The following CDK5RAP1 variants were observed in gnomAD, a reference collection of about 807,000 sequenced individuals.
The protein encoded by CDK5RAP1 is CDK5RAP1 mitochondrial tRNA methylthiotransferase.
CDK5RAP1 carries 62 observed loss-of-function variants against 64.5 expected under a neutral mutation model. The observed-to-expected ratio is 0.96, with a 90% CI of 0.78 to 1.19. CDK5RAP1 has a LOEUF of 1.19. Ranked by LOEUF, CDK5RAP1 falls within the 50% of genes most tolerant of loss-of-function variation. The probability of loss-of-function intolerance (pLI) is 0.00; values close to 1 mark genes in which losing one functional copy is unlikely to be tolerated. For missense variants in CDK5RAP1, 657 were observed against 735.0 expected, an observed-to-expected ratio of 0.89 and a Z score of 1.23; for synonymous variants, 250 against 261.9, an observed-to-expected ratio of 0.95 and a Z score of 0.44.
intron 8 of CDK5RAP1, among the ~76,000 whole-genome samples, chr20:33,378,243 G>C (rs1266791503): frequency 6.6e-6 from 1 of 152,138 alleles, no homozygotes; most frequent in African/African-American, 2.4e-5. Flanking sequence ...CAATATTGTT[G>C]TGTCTCAGAG....
Position 33,358,942 on chromosome 20 carries a change from C to G in CDK5RAP1, c.*101G>C. On this transcript the variant is annotated 3_prime_UTR_variant, in exon 14 of 14. Coordinates refer to ENST00000346416, the MANE Select transcript of CDK5RAP1 (RefSeq NM_016408.4). ...CATAAAGTTGCTTCGCCCCTTGCAG[C>G]TTATCTCCACCTTCATGACCTGTTT... 2.4e-6 allele frequency: 2 copies of G among 843,312 alleles called. No homozygotes were observed. Among genetic ancestry groups the G allele is most frequent in the South Asian group, 3.1e-5 (2 of 65,090 alleles). 52.2% of individuals were successfully genotyped at this position (843,312 alleles called of 1,614,324 possible).
intron 12 of CDK5RAP1, among the ~76,000 whole-genome samples, chr20:33,364,992 A>C (rs1420428253): frequency 1.3e-5 from 2 of 151,800 alleles, no homozygotes; most frequent in African/African-American, 2.4e-5. Flanking sequence ...GGATTCAAGC[A>C]ATCTTCTCAC....
Position 33,401,452 on chromosome 20 carries a change from G to C in CDK5RAP1, c.-45C>G. On this transcript the variant is annotated 5_prime_UTR_variant, in exon 1 of 14. Transcript: ENST00000346416. ...CCTCCCGCAGCAGCAACAGTGCCCGGGGTCCCGCAGCGTAAGTTCTGCCGG... is the reference window on the plus strand; with the variant it reads ...CCTCCCGCAGCAGCAACAGTGCCCGCGGTCCCGCAGCGTAAGTTCTGCCGG... 1.0e-6 allele frequency: 1 copy of C among 985,470 alleles called. No homozygotes were observed. Among genetic ancestry groups the C allele is most frequent in the Non-Finnish European group, 1.2e-6 (1 of 829,944 alleles). The allele number at this position is 985,470 out of a possible 1,614,324, so 61.0% of individuals were successfully genotyped here.
intron 12 of CDK5RAP1, among the ~76,000 whole-genome samples, chr20:33,363,590 A>T (rs1047728953): frequency 6.6e-6 from 1 of 150,714 alleles, no homozygotes; most frequent in Non-Finnish European, 1.5e-5. Flanking sequence ...TTTTACAGTA[A>T]TTTTTTTTTT....
chr20:33,387,250 C>T (rs1987548267), intron 6 of CDK5RAP1, 73 bp downstream of exon 6: 1 of 1,146,496 alleles, frequency 8.7e-7, no homozygotes, highest in African/African-American at 1.6e-5. Flanking sequence ...GAGTGAGACC[C>T]TGTCTCAAAA....
chr20:33,379,508 T>C lies in CDK5RAP1; in HGVS notation c.1060A>G (p.Met354Val). 1 of 1,614,044 alleles carries C rather than the reference T, an allele frequency of 6.2e-7. No individual in the cohort carries two copies. Among genetic ancestry groups the C allele is most frequent in the Non-Finnish European group, 8.5e-7 (1 of 1,179,930 alleles). Residue 354 changes from methionine (M) to valine (V), a missense_variant, in exon 8 of 14, where the codon ATG (methionine) becomes GTG (valine). Met to Val is a conservative substitution (Grantham distance 21). Coordinates refer to ENST00000346416, the MANE Select transcript of CDK5RAP1 (RefSeq NM_016408.4). ...LDQVSRVDPE[M>V]RIRFTSPHPK... ...TGGGGAGAGGTAAAACGGATCCTCA[T>C]TTCAGGATCTACTCTGGAGACCTGA...
rs767263550 is a variant in CDK5RAP1 at position 33,384,205 on chromosome 20, AATT to A, written c.876+1442_876+1444del. Among the ~76,000 whole-genome samples, 5 of 152,342 alleles carry A rather than the reference AATT, an allele frequency of 3.3e-5. No individual in the cohort carries two copies. The East Asian group carries it at 7.7e-4, about 24-fold the overall frequency. On this transcript the variant is annotated intron_variant, in intron 7 of 13. Transcript: ENST00000346416. ...TCTTTAAAAATTACTAAACAAGCAA[AATT>A]ATTAAGTGACTAACAGATACTTTAA...
In CDK5RAP1 at chr20:33,401,436, G is replaced by C. The variant is rs1030845651; in HGVS notation, c.-29C>G. The C allele has an allele frequency of 1.0e-6, 1 of 985,386 alleles. No homozygotes were observed. The highest frequency in any genetic ancestry group is 1.2e-6 in the Non-Finnish European group (1 of 829,970). The allele number at this position is 985,386 out of a possible 1,614,324, so 61.0% of individuals were successfully genotyped here. A position where few individuals can be genotyped will look rare whatever the true frequency, so the allele number is the denominator to read the frequency against. ...GCGGCCGCGCTGCTCACCTCCCGCA[G>C]CAGCAACAGTGCCCGGGGTCCCGCA... On this transcript the variant is annotated 5_prime_UTR_variant, in exon 1 of 14. Transcript: ENST00000346416.
chr20:33,379,469 G>A lies in CDK5RAP1; in HGVS notation c.1099C>T (p.Pro367Ser), dbSNP rs1476324047. Residue 367 changes from proline to serine, a missense_variant, in exon 8 of 14, where the codon CCT (proline) becomes TCT (serine). Physicochemically the swap from Pro to Ser is moderately conservative, Grantham distance 74. Transcript: ENST00000346416. ...GCTAACCTGACGCTCACCTCATCAG[G>A]AAAATCCTTGGGGTGGGGAGAGGTA... ...RFTSPHPKDF[P>S]DEVLQLIHER... is the part of the protein sequence containing the mutation. The A allele has an allele frequency of 6.2e-7, 1 of 1,610,650 alleles. No homozygotes were observed. Among genetic ancestry groups the A allele is most frequent in the Admixed American group, 1.7e-5 (1 of 60,006 alleles).
intron 9 of CDK5RAP1, 102 bp downstream of exon 9, chr20:33,374,013 T>C (rs1408701129): frequency 3.8e-6 from 3 of 792,662 alleles, no homozygotes; most frequent in Non-Finnish European, 6.6e-6. Flanking sequence ...AGCAGCTACT[T>C]TGTGCCACAC....
chr20:33,359,409 T>G (rs1982490283), intron 13 of CDK5RAP1: 3 of 348,344 alleles, frequency 8.6e-6, no homozygotes, highest in Non-Finnish European at 1.6e-5. Context: ...CAGGTGAAAC[T>G]GCCCATCACA....
At chr20:33,360,174 G>C (rs1226964538) in intron 13 of CDK5RAP1, 177 bp downstream of exon 13, 2 of 610,154 alleles carry the variant, frequency 3.3e-6, no homozygotes, top group Non-Finnish European at 5.8e-6. Flanking sequence ...AGAAGAATAA[G>C]AAGGCATTAG....
At position 33,401,499 on chromosome 20, in the gene CDK5RAP1, T is replaced by C; in HGVS notation, c.-92A>G. 4 of 985,302 alleles carry C rather than the reference T, an allele frequency of 4.1e-6. No homozygotes were observed. In the South Asian group the frequency reaches 1.9e-4, roughly 46 times the overall value. The allele number at this position is 985,302 out of a possible 1,614,324, so 61.0% of individuals were successfully genotyped here. A position where few individuals can be genotyped will look rare whatever the true frequency, so the allele number is the denominator to read the frequency against. On this transcript the variant is annotated 5_prime_UTR_variant, in exon 1 of 14. Coordinates refer to ENST00000346416, the MANE Select transcript of CDK5RAP1 (RefSeq NM_016408.4). ...CCGGCAAGTCGGATCCCCTCACAGG[T>C]CCGCCGCTGCGTTCATACACAAGCG...
chr20:33,396,793 A>G lies in CDK5RAP1; in HGVS notation c.272T>C (p.Met91Thr), dbSNP rs35633148. The G allele has an allele frequency of 3.4e-3, 5,452 of 1,613,974 alleles. 144 individuals carry two copies. The African/African-American group carries it at 0.063, about 19-fold the overall frequency. The change falls in exon 2 of 14, where the codon ATG becomes ACG. Residue 91 changes from methionine (M) to threonine (T), a missense_variant. Coordinates refer to ENST00000346416, the MANE Select transcript of CDK5RAP1 (RefSeq NM_016408.4). ...CTGCCTTCCAAGAAGTTCATCCATC[A>G]TGAGATAGGGAGGTGGGTCTTCCAC... ...SEVEDPPPYLMMDELLGRQRK... is the reference protein window; with the variant it reads ...SEVEDPPPYLTMDELLGRQRK...
At chr20:33,395,221 G>T in intron 2 of CDK5RAP1, 105 bp from the exon 3 acceptor site, 2 of 697,986 alleles carry the variant, frequency 2.9e-6, no homozygotes, top group Admixed American at 2.1e-5. Flanking sequence ...GAGGCATCTG[G>T]TTATCCACTA....
At chr20:33,379,733 T>G (rs777094857) in intron 7 of CDK5RAP1, 42 bp from the exon 8 acceptor site, 2 of 1,423,688 alleles carry the variant, frequency 1.4e-6, no homozygotes, top group Non-Finnish European at 2.0e-6. Flanking sequence ...AACTTTTGGG[T>G]AGCTTCATAA....
intron 5 of CDK5RAP1, among the ~76,000 whole-genome samples, 157 bp from the exon 6 acceptor site, chr20:33,387,690 CA>C (rs1395097648): frequency 6.6e-6 from 1 of 152,142 alleles, no homozygotes; most frequent in East Asian, 1.9e-4. Flanking sequence ...CCAACACTCC[CA>C]TCGCACTGGA....
chr20:33,360,254 A>T, intron 13 of CDK5RAP1, 97 bp downstream of exon 13: 1 of 1,217,480 alleles, frequency 8.2e-7, no homozygotes, highest in Non-Finnish European at 1.2e-6. Context: ...TTTTTATTTT[A>T]CTAAAATGTG....
rs148856565 is a variant in CDK5RAP1 at position 33,373,149 on chromosome 20, C to CGTGTGTGTGTGTGT, written c.1206-466_1206-453dup. The CGTGTGTGTGTGTGT allele has an allele frequency of 7.0e-3, 982 of 140,008 alleles. 17 individuals carry two copies. Among genetic ancestry groups the CGTGTGTGTGTGTGT allele is most frequent in the African/African-American group, 0.024 (848 of 36,030 alleles). The allele number at this position is 140,008 out of a possible 1,614,324, so 8.7% of individuals were successfully genotyped here. ...AGAGACTGGGTTTCGCCATGTTGCC[C>CGTGTGTGTGTGTGT]GTGTGTGTGTGTGTGTGTGTGTGTG... On this transcript the variant is annotated intron_variant, in intron 9 of 13. Coordinates refer to ENST00000346416, the MANE Select transcript of CDK5RAP1 (RefSeq NM_016408.4).
Sources: allele counts gnomAD v4.1 joint callset (sites outside exome capture counted in the v4.1 genomes callset), GRCh38; gene constraint gnomAD v4.1.1; transcripts MANE v1.5; gene names NCBI Gene and HGNC (gene_info 2026-07-23, HGNC 2026-07-21).